Variants in ISM1 observed in about 807,000 individuals in gnomAD.
ISM1 encodes isthmin-1.
A neutral mutation model predicts 46.3 loss-of-function variants in ISM1; 25 were observed. That is an observed-to-expected ratio of 0.54 (90% CI 0.39 to 0.75). The LOEUF (loss-of-function observed/expected upper bound fraction) is 0.75, where lower values mean the gene tolerates loss of function less well. Ranked by LOEUF, ISM1 falls within the 30% of genes least tolerant of loss-of-function variation. The probability of loss-of-function intolerance (pLI) is 0.00; values close to 1 mark genes in which losing one functional copy is unlikely to be tolerated. For synonymous variants in ISM1, 255 were observed against 256.7 expected (o/e 0.99, Z 0.06); for missense variants, 536 against 625.4 (o/e 0.86, Z 1.52).
chr20:13,287,797 G>A lies in ISM1; in HGVS notation c.644-743G>A, dbSNP rs577483431. 3.3e-5 allele frequency among the ~76,000 whole-genome samples: 5 copies of A among 152,220 alleles called. No individual in the cohort carries two copies. In the East Asian group the frequency reaches 7.7e-4, roughly 23 times the overall value. Reference sequence around the variant, plus strand: ...TCTCTAGCTTCACCATTAATGTATCGGTAATCTATTGCTACACGTAACAAA... The same window carrying A: ...TCTCTAGCTTCACCATTAATGTATCAGTAATCTATTGCTACACGTAACAAA... On this transcript the variant is annotated intron_variant, in intron 3 of 5. Coordinates refer to ENST00000262487, the MANE Select transcript of ISM1 (RefSeq NM_080826.2).
intron 2 of ISM1, among the ~76,000 whole-genome samples, chr20:13,272,920 G>T (rs1280806108): frequency 2.0e-5 from 3 of 152,236 alleles, no homozygotes; most frequent in Non-Finnish European, 4.4e-5. Flanking sequence ...TCTGAAGCCT[G>T]CTGTGGCTAG....
At chr20:13,309,777 AT>A in the ISM1 span, among the ~76,000 whole-genome samples, 1 of 152,214 alleles carries the variant, frequency 6.6e-6, no homozygotes, top group Non-Finnish European at 1.5e-5. Flanking sequence ...ACATAAAAAA[AT>A]CAGCAATGTT....
intron 1 of ISM1, among the ~76,000 whole-genome samples, chr20:13,235,871 A>T (rs1440720534): frequency 6.6e-6 from 1 of 152,172 alleles, no homozygotes; most frequent in Non-Finnish European, 1.5e-5. Flanking sequence ...CAAGAGAAAC[A>T]GAACATGCCT....
At chr20:13,266,496 G>C (rs2040044455) in intron 1 of ISM1, among the ~76,000 whole-genome samples, 1 of 152,030 alleles carries the variant, frequency 6.6e-6, no homozygotes, top group Non-Finnish European at 1.5e-5. Flanking sequence ...AGTCACAAGA[G>C]GAAACATTGC....
intron 1 of ISM1, among the ~76,000 whole-genome samples, chr20:13,258,156 T>A (rs2039948643): frequency 6.6e-6 from 1 of 152,142 alleles, no homozygotes; most frequent in African/African-American, 2.4e-5. Flanking sequence ...CAATCCATGT[T>A]CCACCTTTCT....
intron 5 of ISM1, among the ~76,000 whole-genome samples, chr20:13,295,523 C>G (rs1019148181): frequency 1.3e-5 from 2 of 152,194 alleles, no homozygotes; most frequent in African/African-American, 4.8e-5. Flanking sequence ...AGAGCCTTCC[C>G]TTGTCCTTCC....
chr20:13,301,696 A>AT (rs995070491), downstream of ISM1, among the ~76,000 whole-genome samples: 9 of 151,866 alleles, frequency 5.9e-5, no homozygotes, highest in East Asian at 3.9e-4. Context: ...TAATGAGGAA[A>AT]TTTTTTTTGC....
At chr20:13,251,463 G>C (rs1054498553) in intron 1 of ISM1, among the ~76,000 whole-genome samples, 2 of 152,130 alleles carry the variant, frequency 1.3e-5, no homozygotes, top group Admixed American at 1.3e-4. Flanking sequence ...CCCAGAATGG[G>C]AGAAAGTCCA....
downstream of ISM1, among the ~76,000 whole-genome samples, chr20:13,304,946 A>G (rs914590994): frequency 1.3e-5 from 2 of 152,198 alleles, no homozygotes; most frequent in Non-Finnish European, 2.9e-5. Context: ...GCCATCTCTC[A>G]GAGTGTGCTT....
chr20:13,294,382 T>C (rs916165700), intron 5 of ISM1, among the ~76,000 whole-genome samples: 2 of 152,066 alleles, frequency 1.3e-5, no homozygotes, highest in Non-Finnish European at 2.9e-5. Flanking sequence ...GACTGAAAAA[T>C]AGAAATGACT....
chr20:13,259,607 GAAGT>G (rs951187143), intron 1 of ISM1, among the ~76,000 whole-genome samples: 78 of 152,332 alleles, frequency 5.1e-4, no homozygotes, highest in African/African-American at 1.8e-3. Context: ...AAATGATGAT[GAAGT>G]AAGTGTGTAA....
At chr20:13,288,728 T>C (rs1011307376) in intron 4 of ISM1, 45 bp downstream of exon 4, 1 of 1,557,344 alleles carries the variant, frequency 6.4e-7, no homozygotes, top group Non-Finnish European at 8.7e-7. Flanking sequence ...GGGGAAAGCT[T>C]TTTAATTTAT....
At chr20:13,234,123 T>C (rs2123144132) in intron 1 of ISM1, among the ~76,000 whole-genome samples, 1 of 152,204 alleles carries the variant, frequency 6.6e-6, no homozygotes, top group African/African-American at 2.4e-5. Context: ...CCCCTCCACC[T>C]CCCACCTTTT....
At chr20:13,289,758 T>C (rs77448008) in intron 4 of ISM1, among the ~76,000 whole-genome samples, 3,163 of 152,130 alleles carry the variant, frequency 0.021, 116 homozygotes, top group African/African-American at 0.072. Context: ...CTCTGACCCT[T>C]TAAAAAAGGC....
At chr20:13,224,133 C>T (rs1031688946) in intron 1 of ISM1, among the ~76,000 whole-genome samples, 1 of 152,260 alleles carries the variant, frequency 6.6e-6, no homozygotes, top group East Asian at 1.9e-4. Flanking sequence ...TGCTAATCCA[C>T]CAGCTTCAGC....
chr20:13,279,499 C>T, intron 2 of ISM1, 135 bp from the exon 3 acceptor site: 1 of 840,782 alleles, frequency 1.2e-6, no homozygotes, highest in Non-Finnish European at 1.8e-6. Context: ...TTGTGTATCG[C>T]CATGCAATCT....
intron 2 of ISM1, among the ~76,000 whole-genome samples, chr20:13,272,429 A>G (rs2040126371): frequency 6.6e-6 from 1 of 152,216 alleles, no homozygotes; most frequent in Non-Finnish European, 1.5e-5. Context: ...TCCCTCCAAT[A>G]AATTAGATCT....
chr20:13,245,496 A>T (rs1236771133), intron 1 of ISM1: 1 of 152,132 alleles, frequency 6.6e-6, no homozygotes, highest in Non-Finnish European at 1.5e-5. Flanking sequence ...CCCACACTCA[A>T]AGGGAGGGGA....
downstream of ISM1, among the ~76,000 whole-genome samples, chr20:13,305,067 T>A (rs2040489232): frequency 6.6e-6 from 1 of 152,142 alleles, no homozygotes; most frequent in South Asian, 2.1e-4. Flanking sequence ...CATAGTATTA[T>A]TTGAATAGCA....
Sources: allele counts gnomAD v4.1 joint callset (sites outside exome capture counted in the v4.1 genomes callset), GRCh38; gene constraint gnomAD v4.1.1; transcripts MANE v1.5; gene names NCBI Gene and HGNC (gene_info 2026-07-23, HGNC 2026-07-21).